SLC6A2: variants seen among roughly 807,000 people sequenced by gnomAD.
The protein encoded by SLC6A2 is sodium-dependent noradrenaline transporter.
Under a neutral mutation model 71.7 loss-of-function variants are expected in SLC6A2, and 26 were observed. The ratio of observed to expected loss-of-function variants is 0.36; its 90% CI spans 0.27 to 0.50. The LOEUF is 0.50. Ranked by LOEUF, SLC6A2 falls within the 20% of genes least tolerant of loss-of-function variation. SLC6A2 has a pLI of 0.96. For missense variants in SLC6A2, 581 were observed against 803.9 expected, an observed-to-expected ratio of 0.72 and a Z score of 3.35; for synonymous variants, 363 against 337.9, an observed-to-expected ratio of 1.07 and a Z score of -0.82.
intron 5 of SLC6A2, among the ~76,000 whole-genome samples, chr16:55,687,481 T>C (rs1439304542): frequency 1.3e-5 from 2 of 151,468 alleles, no homozygotes; most frequent in African/African-American, 4.9e-5. Context: ...AGAGGTGGGG[T>C]GGAAGGAAGG....
intron 2 of SLC6A2, among the ~76,000 whole-genome samples, chr16:55,661,480 A>G (rs1329359766): frequency 4.6e-5 from 7 of 152,340 alleles, no homozygotes; most frequent in African/African-American, 1.7e-4. Context: ...AAATGATGTC[A>G]CATAATAGGG....
At chr16:55,657,054 G>C in intron 2 of SLC6A2, 86 bp downstream of exon 2, 1 of 1,477,014 alleles carries the variant, frequency 6.8e-7, no homozygotes, top group Non-Finnish European at 9.3e-7. Context: ...AATACACACG[G>C]AAGGGAGGCG....
intron 7 of SLC6A2, 134 bp from the exon 8 acceptor site, chr16:55,695,144 G>A: frequency 1.0e-6 from 1 of 969,496 alleles, no homozygotes; most frequent in Middle Eastern, 2.6e-4. Flanking sequence ...GTATCCATGT[G>A]GCAGCAGGAG....
Position 55,656,981 on chromosome 16 carries a change from T to C in SLC6A2, c.274+13T>C. The C allele has an allele frequency of 6.2e-7, 1 of 1,611,756 alleles. No individual in the cohort carries two copies. Among genetic ancestry groups the C allele is most frequent in the East Asian group, 2.2e-5 (1 of 44,800 alleles). Reference sequence around the variant, plus strand: ...AAGAACGGCGGCGGTGAGCGTGGGGTCGGGCTGGGAATTTGAATCTGGGAG... The same window carrying C: ...AAGAACGGCGGCGGTGAGCGTGGGGCCGGGCTGGGAATTTGAATCTGGGAG... On this transcript the variant is annotated intron_variant, in intron 2 of 14. Coordinates refer to ENST00000568943, the MANE Select transcript of SLC6A2 (RefSeq NM_001172501.3). The surrounding 1 kb of genome is among the most constrained non-coding windows in gnomAD (Gnocchi z 4.5).
rs1966033395 is a variant in SLC6A2, at chr16:55,703,429, C to T, written c.*1083C>T. ...AGAGTTGGCTGCAAAAACTCTCATGCACTAGATGTGGCACCTTGGAGGGCA... is the reference window on the plus strand; with the variant it reads ...AGAGTTGGCTGCAAAAACTCTCATGTACTAGATGTGGCACCTTGGAGGGCA... On this transcript the variant is annotated 3_prime_UTR_variant, in exon 15 of 15. Coordinates refer to ENST00000568943, the MANE Select transcript of SLC6A2 (RefSeq NM_001172501.3). The T allele has an allele frequency of 1.9e-5, 19 of 985,422 alleles. No homozygotes were observed. Among genetic ancestry groups the T allele is most frequent in the Non-Finnish European group, 2.3e-5 (19 of 829,960 alleles). 61.0% of individuals were successfully genotyped at this position (985,422 alleles called of 1,614,324 possible).
rs1375017510 is a variant in SLC6A2, at chr16:55,703,035, C to T, written c.*689C>T. On this transcript the variant is annotated 3_prime_UTR_variant, in exon 15 of 15. Coordinates refer to ENST00000568943, the MANE Select transcript of SLC6A2 (RefSeq NM_001172501.3). The stretch of plus-strand genomic sequence containing the variant: ...CCTCCAGCTTTTGGTGGTCAGATGG[C>T]CCAGAGATATGGGGGACAGGAGGAA... 5.1e-6 allele frequency: 5 copies of T among 986,584 alleles called. No individual in the cohort carries two copies. The highest frequency in any genetic ancestry group is 6.0e-6 in the Non-Finnish European group (5 of 830,820). The allele number at this position is 986,584 out of a possible 1,614,324, so 61.1% of individuals were successfully genotyped here.
chr16:55,673,623 A>G (rs1287325196), intron 4 of SLC6A2, among the ~76,000 whole-genome samples: 1 of 152,080 alleles, frequency 6.6e-6, no homozygotes, highest in African/African-American at 2.4e-5. Context: ...GTGCAGTGGC[A>G]CCATCTCAGC....
rs1965908682 is a variant in SLC6A2, at chr16:55,699,657, G to A, written c.1590+3G>A. ...TCGTCAGTCCTGCCTTCCTCCTGGT[G>A]TGTAGTGTCTGCAGGGAAGTCCTGC... is the stretch of plus-strand genomic sequence containing the variant. On this transcript the variant is annotated splice_donor_region_variant and intron_variant, in intron 12 of 14. Coordinates refer to ENST00000568943, the MANE Select transcript of SLC6A2 (RefSeq NM_001172501.3). The A allele has an allele frequency of 6.2e-7, 1 of 1,605,550 alleles. No homozygotes were observed. Among genetic ancestry groups the A allele is most frequent in the Non-Finnish European group, 8.5e-7 (1 of 1,172,138 alleles).
chr16:55,679,825 A>G (rs146163316), intron 4 of SLC6A2, among the ~76,000 whole-genome samples: 205 of 152,192 alleles, frequency 1.3e-3, no homozygotes, highest in African/African-American at 4.6e-3. Flanking sequence ...TTGGCACGGG[A>G]TGGACTGTGG....
intron 5 of SLC6A2, among the ~76,000 whole-genome samples, chr16:55,686,216 C>T (rs141307558): frequency 6.6e-6 from 1 of 152,290 alleles, no homozygotes; most frequent in African/African-American, 2.4e-5. Flanking sequence ...CTTCACTGGG[C>T]TGGAATATTC....
At chr16:55,681,938 G>A (rs990977585) in intron 4 of SLC6A2, among the ~76,000 whole-genome samples, 1 of 152,094 alleles carries the variant, frequency 6.6e-6, no homozygotes, top group Non-Finnish European at 1.5e-5. Context: ...ATGGAGTCTC[G>A]CTCTGTTGCC....
chr16:55,681,976 C>T lies in SLC6A2; in HGVS notation c.645-3167C>T, dbSNP rs181510643. Among the ~76,000 whole-genome samples, 569 of 152,252 alleles carry T rather than the reference C, an allele frequency of 3.7e-3. 1 individual carries two copies. Among genetic ancestry groups the T allele is most frequent in the Middle Eastern group, 6.8e-3 (2 of 294 alleles). On this transcript the variant is annotated intron_variant, in intron 4 of 14. Transcript: ENST00000568943. ...GGCTGGAGTGCAGTGACAAGATCTC[C>T]GCTCACTGCAATCTCCATCTCCCAG... is the stretch of plus-strand genomic sequence containing the variant.
At chr16:55,681,143 C>T (rs1267632102) in intron 4 of SLC6A2, among the ~76,000 whole-genome samples, 1 of 152,236 alleles carries the variant, frequency 6.6e-6, no homozygotes, top group Non-Finnish European at 1.5e-5. Context: ...CCTGCTGCTC[C>T]TTGAAGCCTA....
In SLC6A2 at chr16:55,703,819, T is replaced by A. The variant is rs1254074093; in HGVS notation, c.*1473T>A. The stretch of plus-strand genomic sequence containing the variant: ...TGCTTTGCCTCAAATTGGGGTGTTG[T>A]TGAGCCTGGTGGTTCCTGCATGAAG... On this transcript the variant is annotated 3_prime_UTR_variant, in exon 15 of 15. Transcript: ENST00000568943. 1 of 985,160 alleles carries A rather than the reference T, an allele frequency of 1.0e-6. No homozygotes were observed. Among genetic ancestry groups the A allele is most frequent in the Non-Finnish European group, 1.2e-6 (1 of 829,858 alleles). 61.0% of individuals were successfully genotyped at this position (985,160 alleles called of 1,614,324 possible). A position where few individuals can be genotyped will look rare whatever the true frequency, so the allele number is the denominator to read the frequency against.
At chr16:55,700,584 T>C (rs1965944770) in intron 13 of SLC6A2, among the ~76,000 whole-genome samples, 1 of 152,122 alleles carries the variant, frequency 6.6e-6, no homozygotes, top group South Asian at 2.1e-4. Context: ...GGGGGTGAGC[T>C]CAGCCCTGGA....
Position 55,659,912 on chromosome 16 carries a change from A to G in SLC6A2, c.274+2944A>G, listed in dbSNP as rs150547449. ...GAAATAATGGTGCTCAGCTCAGAAC[A>G]TTGTTGTGGGGACCAAACATAATAA... is the stretch of plus-strand genomic sequence containing the variant. On this transcript the variant is annotated intron_variant, in intron 2 of 14. Coordinates refer to ENST00000568943, the MANE Select transcript of SLC6A2 (RefSeq NM_001172501.3). Among the ~76,000 whole-genome samples the G allele has an allele frequency of 1.4e-3, 213 of 152,350 alleles. 1 individual carries two copies. The highest frequency in any genetic ancestry group is 4.9e-3 in the African/African-American group (203 of 41,580).
intron 5 of SLC6A2, among the ~76,000 whole-genome samples, chr16:55,686,263 G>A (rs182109317): frequency 3.0e-4 from 45 of 152,330 alleles, no homozygotes; most frequent in Admixed American, 2.8e-3. Flanking sequence ...TTTGGCACTA[G>A]CTGGGAGCTA....
chr16:55,677,025 C>G (rs1481087705), intron 4 of SLC6A2, among the ~76,000 whole-genome samples: 1 of 152,186 alleles, frequency 6.6e-6, no homozygotes, highest in African/African-American at 2.4e-5. Context: ...AGTAGCTCCC[C>G]CTGCAATTCT....
intron 13 of SLC6A2, 56 bp downstream of exon 13, chr16:55,700,362 G>C (rs1402932560): frequency 1.4e-6 from 2 of 1,470,528 alleles, no homozygotes; most frequent in Non-Finnish European, 1.9e-6. Context: ...GGGGGAAGAC[G>C]GGACGACTCT....
Sources: allele counts gnomAD v4.1 joint callset (sites outside exome capture counted in the v4.1 genomes callset), GRCh38; gene constraint gnomAD v4.1.1; non-coding constraint Gnocchi (gnomAD v3.1); transcripts MANE v1.5; gene names NCBI Gene and HGNC (gene_info 2026-07-23, HGNC 2026-07-21).